Variants in GLRA3 observed in about 807,000 individuals in gnomAD.
GLRA3 encodes glycine receptor alpha 3.
A neutral mutation model predicts 60.4 loss-of-function variants in GLRA3; 44 were observed. The ratio of observed to expected loss-of-function variants is 0.73; its 90% CI spans 0.57 to 0.94. The LOEUF (loss-of-function observed/expected upper bound fraction) is 0.94, where lower values mean the gene tolerates loss of function less well. Among genes scored for constraint, GLRA3 ranks in the 40% least tolerant of loss-of-function variants. The probability of loss-of-function intolerance (pLI) is 0.00; values close to 1 mark genes in which losing one functional copy is unlikely to be tolerated. For missense variants in GLRA3, 508 were observed against 564.6 expected (o/e 0.90, Z 1.02); for synonymous variants, 223 against 192.9 (o/e 1.16, Z -1.29).
chr4:174,735,602 C>T (rs893617863), intron 3 of GLRA3, among the ~76,000 whole-genome samples: 5 of 152,018 alleles, frequency 3.3e-5, no homozygotes, highest in African/African-American at 1.2e-4. Context: ...GCTCTGTCTC[C>T]CAGGCTGGAA....
chr4:174,769,451 A>G (rs1485931), intron 2 of GLRA3, among the ~76,000 whole-genome samples: 113,519 of 151,950 alleles, frequency 0.75, 42,774 homozygotes, highest in East Asian at 1. Flanking sequence ...CTTCATATAT[A>G]ATATTTCACA....
chr4:174,787,335 T>A (rs1739162125), intron 2 of GLRA3, among the ~76,000 whole-genome samples: 1 of 152,150 alleles, frequency 6.6e-6, no homozygotes, highest in Admixed American at 6.5e-5. Context: ...ATGAATCTGC[T>A]AATTCCCGAT....
At chr4:174,774,956 G>T (rs2111258211) in intron 2 of GLRA3, among the ~76,000 whole-genome samples, 1 of 152,208 alleles carries the variant, frequency 6.6e-6, no homozygotes, top group Admixed American at 6.5e-5. Context: ...CAGAAAAAAA[G>T]CTTTTGCACT....
intron 8 of GLRA3, among the ~76,000 whole-genome samples, chr4:174,657,359 A>G (rs944198698): frequency 3.9e-5 from 6 of 152,178 alleles, no homozygotes; most frequent in Non-Finnish European, 8.8e-5. Context: ...CGGATGCACA[A>G]TACTTCTCTT....
intron 9 of GLRA3, among the ~76,000 whole-genome samples, chr4:174,654,848 T>C (rs936167519): frequency 1.3e-5 from 2 of 152,108 alleles, no homozygotes; most frequent in Non-Finnish European, 2.9e-5. Flanking sequence ...GTGCAGTGCG[T>C]AATCAGCACA....
intron 4 of GLRA3, among the ~76,000 whole-genome samples, chr4:174,721,007 TTGTGTGTGTGTGTG>T (rs10639932): frequency 2.1e-5 from 3 of 141,558 alleles, no homozygotes; most frequent in African/African-American, 7.6e-5. Context: ...TGTGTGAACT[TTGTGTGTGTGTGTG>T]TGTGTGTGTG....
chr4:174,665,133 T>C (rs1459508649), intron 7 of GLRA3, among the ~76,000 whole-genome samples: 1 of 152,142 alleles, frequency 6.6e-6, no homozygotes, highest in Non-Finnish European at 1.5e-5. Context: ...CTTATGCCAG[T>C]TTCTTAATTG....
chr4:174,684,049 T>C (rs1734459312), intron 5 of GLRA3, among the ~76,000 whole-genome samples: 1 of 152,138 alleles, frequency 6.6e-6, no homozygotes, highest in Non-Finnish European at 1.5e-5. Flanking sequence ...ATGGAAAAAT[T>C]TCAACTCCTT....
intron 9 of GLRA3, among the ~76,000 whole-genome samples, chr4:174,654,810 C>G (rs917540355): frequency 1.3e-5 from 2 of 152,118 alleles, no homozygotes; most frequent in African/African-American, 4.8e-5. Context: ...CACACACACA[C>G]AGCACTGGAG....
chr4:174,672,537 C>A (rs1021912611), intron 7 of GLRA3, among the ~76,000 whole-genome samples: 1 of 151,980 alleles, frequency 6.6e-6, no homozygotes, highest in African/African-American at 2.4e-5. Context: ...TTCTGCTTGC[C>A]TTCTTGATCT....
At chr4:174,760,784 T>C (rs1472343171) in intron 3 of GLRA3, among the ~76,000 whole-genome samples, 1 of 152,172 alleles carries the variant, frequency 6.6e-6, no homozygotes, top group Non-Finnish European at 1.5e-5. Context: ...TGATTTTCAA[T>C]GCAGAGATGA....
rs565071741 is a variant in GLRA3 at position 174,659,345 on chromosome 4, C to T, written c.928-148G>A. 1.7e-5 allele frequency: 11 copies of T among 644,594 alleles called. No individual in the cohort carries two copies. The East Asian group carries it at 2.8e-4, about 16-fold the overall frequency. 39.9% of individuals were successfully genotyped at this position (644,594 alleles called of 1,614,324 possible). A position where few individuals can be genotyped will look rare whatever the true frequency, so the allele number is the denominator to read the frequency against. On this transcript the variant is annotated intron_variant, in intron 7 of 9. Coordinates refer to ENST00000274093, the MANE Select transcript of GLRA3 (RefSeq NM_006529.4). ...AAATGACAATTTTTTCTTGAAGTTT[C>T]CTTAGTTATTTTTGTAAATTTTATG... is the stretch of plus-strand genomic sequence containing the variant.
intron 7 of GLRA3, among the ~76,000 whole-genome samples, chr4:174,663,621 A>C (rs75054467): frequency 0.013 from 1,969 of 152,222 alleles, 18 homozygotes; most frequent in Middle Eastern, 0.037. Context: ...ATCTCTTCGA[A>C]CCCCTTCACC....
chr4:174,706,354 A>C (rs1735522565), intron 5 of GLRA3, among the ~76,000 whole-genome samples: 2 of 152,248 alleles, frequency 1.3e-5, no homozygotes, highest in African/African-American at 4.8e-5. Flanking sequence ...TTTATCTGAC[A>C]TAAGGATTAT....
At chr4:174,715,951 G>A (rs1432701101) in intron 4 of GLRA3, among the ~76,000 whole-genome samples, 3 of 152,110 alleles carry the variant, frequency 2.0e-5, no homozygotes, top group Non-Finnish European at 4.4e-5. Context: ...ATTCCAAGAC[G>A]ACATCCTCAA....
chr4:174,808,357 ATGG>A (rs1416838977), intron 1 of GLRA3, among the ~76,000 whole-genome samples: 1 of 152,098 alleles, frequency 6.6e-6, no homozygotes, highest in African/African-American at 2.4e-5. Flanking sequence ...TGTCATACCC[ATGG>A]TAATATCATA....
intron 2 of GLRA3, among the ~76,000 whole-genome samples, chr4:174,785,371 G>C (rs1407163186): frequency 6.6e-6 from 1 of 151,086 alleles, no homozygotes; most frequent in Non-Finnish European, 1.5e-5. Flanking sequence ...AAAGATACTT[G>C]TGAAAACAAT....
At chr4:174,773,479 CA>C (rs1554020186) in intron 2 of GLRA3, among the ~76,000 whole-genome samples, 1 of 144,716 alleles carries the variant, frequency 6.9e-6, no homozygotes, top group East Asian at 2.1e-4. Flanking sequence ...AACAAACAAA[CA>C]ACTCATATGT....
At chr4:174,801,732 C>A (rs1347221765) in intron 1 of GLRA3, among the ~76,000 whole-genome samples, 1 of 152,046 alleles carries the variant, frequency 6.6e-6, no homozygotes, top group Non-Finnish European at 1.5e-5. Flanking sequence ...GTCCTCTATT[C>A]ATCTCATTAA....
Sources: gnomAD v4.1 joint callset for allele counts (sites outside exome capture counted in the v4.1 genomes callset) on GRCh38, gnomAD v4.1.1 for gene constraint, MANE v1.5 for transcripts, NCBI Gene and HGNC (gene_info 2026-07-23, HGNC 2026-07-21) for gene names.